Variants in DAP observed in about 807,000 individuals in gnomAD.
The protein encoded by DAP is death-associated protein 1.
Under a neutral mutation model 13.8 loss-of-function variants are expected in DAP, and 8 were observed. That is an observed-to-expected ratio of 0.58 (90% CI 0.34 to 1.05). The LOEUF (loss-of-function observed/expected upper bound fraction) is 1.05, where lower values mean the gene tolerates loss of function less well. Among genes scored for constraint, DAP ranks in the 50% least tolerant of loss-of-function variants. The pLI is 0.03. For missense variants in DAP, 106 were observed against 133.2 expected (o/e 0.80, Z 1.01); for synonymous variants, 47 against 47.5 (o/e 0.99, Z 0.04).
chr5:10,745,133 C>T (rs1187758759), intron 2 of DAP, among the ~76,000 whole-genome samples: 2 of 152,092 alleles, frequency 1.3e-5, no homozygotes, highest in Non-Finnish European at 2.9e-5. Context: ...TTCAATCAGT[C>T]CACCAGAGAA....
Position 10,730,561 on chromosome 5 carries a change from G to A in DAP, c.152+17614C>T, listed in dbSNP as rs1164436950. Among the ~76,000 whole-genome samples, 4 of 120,566 alleles carry A rather than the reference G, an allele frequency of 3.3e-5. No individual in the cohort carries two copies. In the South Asian group the frequency reaches 1.2e-3, roughly 35 times the overall value. The allele number at this position is 120,566 out of a possible 152,430, so 79.1% of individuals were successfully genotyped here. On this transcript the variant is annotated intron_variant, in intron 2 of 3. Transcript: ENST00000230895. ...GAGCCCTGGTAGGGGGAATCTTTCT[G>A]TACTGAGAGCCCGGGTCAGGGGGAA...
At chr5:10,682,095 C>T (rs754345362) in intron 3 of DAP, among the ~76,000 whole-genome samples, 1 of 148,552 alleles carries the variant, frequency 6.7e-6, no homozygotes, top group Non-Finnish European at 1.5e-5. Context: ...CTGCAAGAAG[C>T]GTGGGGTTTG....
chr5:10,724,834 C>T (rs1020398255), intron 2 of DAP, among the ~76,000 whole-genome samples: 3 of 152,272 alleles, frequency 2.0e-5, no homozygotes, highest in African/African-American at 2.4e-5. Context: ...GGCCTCTCAA[C>T]CCGGGTGCGC....
intron 2 of DAP, 21 bp downstream of exon 2, chr5:10,748,152 AAG>A: frequency 1.3e-6 from 2 of 1,525,256 alleles, no homozygotes; most frequent in Non-Finnish European, 1.8e-6. Context: ...AAACATGCTC[AAG>A]AGTCGCTAGC....
At chr5:10,738,311 A>C (rs1219509838) in intron 2 of DAP, among the ~76,000 whole-genome samples, 1 of 152,280 alleles carries the variant, frequency 6.6e-6, no homozygotes, top group Non-Finnish European at 1.5e-5. Flanking sequence ...ATAGAGTTGC[A>C]AAGTATTCCC....
At chr5:10,736,541 G>C (rs909091890) in intron 2 of DAP, among the ~76,000 whole-genome samples, 1 of 152,184 alleles carries the variant, frequency 6.6e-6, no homozygotes, top group African/African-American at 2.4e-5. Flanking sequence ...TGCCGTCAGG[G>C]GGTTTGAGGG....
chr5:10,750,408 AAAAGAG>A lies in DAP; in HGVS notation c.56-2143_56-2138del, dbSNP rs1259498459. Among the ~76,000 whole-genome samples, 4 of 152,202 alleles carry A rather than the reference AAAAGAG, an allele frequency of 2.6e-5. No homozygotes were observed. In the East Asian group the frequency reaches 5.8e-4, roughly 22 times the overall value. On this transcript the variant is annotated intron_variant, in intron 1 of 3. Coordinates refer to ENST00000230895, the MANE Select transcript of DAP (RefSeq NM_004394.3). ...CAGCAGCTGGCTGTTAGAAAAGGGCAAAAGAGAGCAAGGAAAATGACGACTATTTCC... is the reference window on the plus strand; with the variant it reads ...CAGCAGCTGGCTGTTAGAAAAGGGCAAGCAAGGAAAATGACGACTATTTCC...
At chr5:10,760,842 C>G (rs1224779320) in intron 1 of DAP, among the ~76,000 whole-genome samples, 172 bp downstream of exon 1, 1 of 151,790 alleles carries the variant, frequency 6.6e-6, no homozygotes, top group Non-Finnish European at 1.5e-5. Context: ...GGGCTCCTCC[C>G]GGGCCTGGGC....
At chr5:10,733,180 G>A (rs1296867014) in intron 2 of DAP, among the ~76,000 whole-genome samples, 1 of 122,120 alleles carries the variant, frequency 8.2e-6, no homozygotes, top group East Asian at 2.0e-4. Context: ...GTGTGTGTGT[G>A]TGTGTGTGTG....
In DAP at chr5:10,750,482, C is replaced by T. The variant is rs191905994; in HGVS notation, c.56-2211G>A. On this transcript the variant is annotated intron_variant, in intron 1 of 3. Coordinates refer to ENST00000230895, the MANE Select transcript of DAP (RefSeq NM_004394.3). ...ACTAAAATCTCCCTGCTGCCCGCAC[C>T]TCTTCTCAACGGAGAGGACATTCTA... Among the ~76,000 whole-genome samples the T allele has an allele frequency of 1.2e-4, 18 of 152,300 alleles. No individual in the cohort carries two copies. The East Asian group carries it at 3.3e-3, about 28-fold the overall frequency.
rs1737979460 is a variant in DAP at position 10,681,148 on chromosome 5, C to T, written c.217G>A (p.Ala73Thr). The T allele has an allele frequency of 5.9e-6, 9 of 1,520,248 alleles. No individual in the cohort carries two copies. The East Asian group carries it at 2.1e-4, about 35-fold the overall frequency. The allele number at this position is 1,520,248 out of a possible 1,614,324, so 94.2% of individuals were successfully genotyped here. A position where few individuals can be genotyped will look rare whatever the true frequency, so the allele number is the denominator to read the frequency against. ...TTCTGGTGAGCCACCTGCGCAGCCG[C>T]CGGGGGGAAATCTTTGTCACCCTGT... Reference protein sequence around the residue: ...IARGDKDFPPAAAQVAHQKPH... With the variant: ...IARGDKDFPPTAAQVAHQKPH... The change falls in exon 4 of 4, where the codon GCG becomes ACG. Residue 73 changes from alanine (A) to threonine (T), a missense_variant. Transcript: ENST00000230895.
chr5:10,714,858 G>A (rs987177243), intron 2 of DAP, among the ~76,000 whole-genome samples: 4 of 152,000 alleles, frequency 2.6e-5, no homozygotes, highest in African/African-American at 7.3e-5. Context: ...CATGTGAGAC[G>A]CCTGCTCCCC....
At chr5:10,750,953 C>T (rs1740030086) in intron 1 of DAP, among the ~76,000 whole-genome samples, 1 of 152,200 alleles carries the variant, frequency 6.6e-6, no homozygotes, top group Admixed American at 6.5e-5. Flanking sequence ...AGACAAATTG[C>T]CAAACAGTAC....
At chr5:10,708,442 G>GACACAC (rs3836780) in intron 2 of DAP, among the ~76,000 whole-genome samples, 8 of 147,724 alleles carry the variant, frequency 5.4e-5, no homozygotes, top group African/African-American at 2.0e-4. Flanking sequence ...ACACATATCA[G>GACACAC]ACACACACAC....
At chr5:10,751,929 A>G (rs1740056596) in intron 1 of DAP, among the ~76,000 whole-genome samples, 1 of 152,262 alleles carries the variant, frequency 6.6e-6, no homozygotes, top group Non-Finnish European at 1.5e-5. Flanking sequence ...TATTTTGTTA[A>G]GGCAGGCCAA....
intron 2 of DAP, among the ~76,000 whole-genome samples, chr5:10,742,727 C>A (rs935332779): frequency 1.3e-5 from 2 of 152,136 alleles, no homozygotes; most frequent in Non-Finnish European, 2.9e-5. Flanking sequence ...GAATCAACTA[C>A]TTCTCCAAGG....
At chr5:10,757,466 G>GTTTCA (rs1740218462) in intron 1 of DAP, among the ~76,000 whole-genome samples, 1 of 152,190 alleles carries the variant, frequency 6.6e-6, no homozygotes, top group Non-Finnish European at 1.5e-5. Context: ...TAGAGACGGG[G>GTTTCA]TTTCACCATG....
At position 10,749,361 on chromosome 5, in the gene DAP, A is replaced by C. The variant is rs1034420150; in HGVS notation, c.56-1090T>G. 1.2e-4 allele frequency among the ~76,000 whole-genome samples: 19 copies of C among 152,122 alleles called. No homozygotes were observed. In the East Asian group the frequency reaches 3.5e-3, roughly 28 times the overall value. ...CTGCCAGGCCACATGGTGCCTCTGAATTTATCCTTCTGAAAACCACCAAGC... is the reference window on the plus strand; with the variant it reads ...CTGCCAGGCCACATGGTGCCTCTGACTTTATCCTTCTGAAAACCACCAAGC... On this transcript the variant is annotated intron_variant, in intron 1 of 3. Coordinates refer to ENST00000230895, the MANE Select transcript of DAP (RefSeq NM_004394.3).
intron 2 of DAP, among the ~76,000 whole-genome samples, chr5:10,686,504 G>C (rs996815736): frequency 5.3e-5 from 8 of 152,182 alleles, no homozygotes; most frequent in African/African-American, 1.9e-4. Context: ...ACTGGAGTGA[G>C]TGACAAGGAA....
Sources: gnomAD v4.1 joint callset for allele counts (sites outside exome capture counted in the v4.1 genomes callset) on GRCh38, gnomAD v4.1.1 for gene constraint, MANE v1.5 for transcripts, NCBI Gene and HGNC (gene_info 2026-07-23, HGNC 2026-07-21) for gene names.